The following SYN3 variants were observed in gnomAD, a reference collection of about 807,000 sequenced individuals.
The protein encoded by SYN3 is synapsin III, also known as synapsin-3.
Under a neutral mutation model 65.8 loss-of-function variants are expected in SYN3, and 35 were observed. The ratio of observed to expected loss-of-function variants is 0.53; its 90% CI spans 0.41 to 0.70. The LOEUF (loss-of-function observed/expected upper bound fraction) is 0.70. SYN3 is among the 30% of genes least tolerant of loss of function. SYN3 has a pLI of 0.00. For synonymous variants in SYN3, 270 were observed against 292.9 expected, an observed-to-expected ratio of 0.92 and a Z score of 0.80; for missense variants, 680 against 749.0, an observed-to-expected ratio of 0.91 and a Z score of 1.08.
chr22:32,830,077 A>ATGG lies in SYN3; in HGVS notation c.711+34837_711+34838insCCA, dbSNP rs1249095326. Among the ~76,000 whole-genome samples the ATGG allele has an allele frequency of 5.3e-5, 8 of 152,316 alleles. No homozygotes were observed. In the East Asian group the frequency reaches 1.5e-3, roughly 29 times the overall value. On this transcript the variant is annotated intron_variant, in intron 6 of 13. Transcript: ENST00000358763. Reference sequence around the variant, plus strand: ...GAGTAAGTGGGGCAGCCGACATTTCAGGAGGAGGAAGGTTGGCAGCCAGGC... The same window carrying ATGG: ...GAGTAAGTGGGGCAGCCGACATTTCATGGGGAGGAGGAAGGTTGGCAGCCAGGC...
chr22:32,536,327 G>A (rs2058164692), intron 9 of SYN3, among the ~76,000 whole-genome samples: 2 of 152,210 alleles, frequency 1.3e-5, no homozygotes, highest in African/African-American at 2.4e-5. Flanking sequence ...GCTGCCCCCT[G>A]GGGTTGATGG....
At chr22:32,764,150 C>G (rs747267633) in intron 6 of SYN3, among the ~76,000 whole-genome samples, 10 of 152,210 alleles carry the variant, frequency 6.6e-5, no homozygotes, top group Non-Finnish European at 1.0e-4. Context: ...TCCAGGTTGG[C>G]CAGGCTGGTC....
intron 6 of SYN3, among the ~76,000 whole-genome samples, chr22:32,665,019 G>GTTT (rs2060271292): frequency 2.0e-5 from 2 of 102,550 alleles, no homozygotes; most frequent in Admixed American, 1.1e-4. Context: ...TTTTTTTTTG[G>GTTT]GGCAGAGCCT....
intron 3 of SYN3, among the ~76,000 whole-genome samples, chr22:32,936,658 G>A (rs560260615): frequency 6.6e-6 from 1 of 152,324 alleles, no homozygotes; most frequent in East Asian, 1.9e-4. Context: ...GAACCCATGT[G>A]CTCACCAGCT....
intron 7 of SYN3, among the ~76,000 whole-genome samples, chr22:32,593,183 A>G (rs2059151623): frequency 6.6e-6 from 1 of 152,022 alleles, no homozygotes; most frequent in Admixed American, 6.5e-5. Flanking sequence ...TCCAAACATA[A>G]GGAGAAAAGT....
intron 6 of SYN3, among the ~76,000 whole-genome samples, chr22:32,627,954 G>T (rs55904255): frequency 1.3e-5 from 2 of 151,950 alleles, no homozygotes; most frequent in Non-Finnish European, 2.9e-5. Flanking sequence ...TCAGCCTCCC[G>T]AGTAGCTGGG....
At chr22:32,534,596 AG>A (rs1290746890) in intron 9 of SYN3, among the ~76,000 whole-genome samples, 25 of 152,274 alleles carry the variant, frequency 1.6e-4, no homozygotes, top group South Asian at 8.3e-4. Context: ...CCCTGCAACA[AG>A]GGGGTGGTTG....
At chr22:32,698,978 C>A (rs1366545360) in intron 6 of SYN3, among the ~76,000 whole-genome samples, 1 of 152,106 alleles carries the variant, frequency 6.6e-6, no homozygotes, top group Admixed American at 6.5e-5. Flanking sequence ...GTAGGTCATC[C>A]GTGTCCAAAG....
At chr22:32,880,523 G>A (rs536819703) in intron 4 of SYN3, among the ~76,000 whole-genome samples, 1 of 152,250 alleles carries the variant, frequency 6.6e-6, no homozygotes, top group East Asian at 1.9e-4. Flanking sequence ...ATCAGTCACT[G>A]ACCCCCTGGT....
intron 1 of SYN3, among the ~76,000 whole-genome samples, chr22:33,010,275 C>T (rs530101450): frequency 6.6e-6 from 1 of 152,016 alleles, no homozygotes; most frequent in East Asian, 1.9e-4. Context: ...CACAATCATA[C>T]CATCCTACAG....
chr22:32,966,908 C>G (rs1430341357), intron 3 of SYN3, among the ~76,000 whole-genome samples: 7 of 152,006 alleles, frequency 4.6e-5, no homozygotes, highest in African/African-American at 7.2e-5. Context: ...AGAGTGAAAC[C>G]TGTCTCAAAA....
At chr22:32,864,271 G>T (rs2048627014) in intron 6 of SYN3, among the ~76,000 whole-genome samples, 1 of 152,176 alleles carries the variant, frequency 6.6e-6, no homozygotes, top group Non-Finnish European at 1.5e-5. Flanking sequence ...CAGGCATGTT[G>T]CAGGCTCTTT....
chr22:33,019,102 A>G (rs1482770738), intron 1 of SYN3, among the ~76,000 whole-genome samples: 3 of 152,112 alleles, frequency 2.0e-5, no homozygotes, highest in African/African-American at 4.8e-5. Flanking sequence ...CCAAACTACA[A>G]CCCTAACCAG....
intron 3 of SYN3, among the ~76,000 whole-genome samples, chr22:32,959,250 T>C (rs2051567013): frequency 1.3e-5 from 2 of 152,072 alleles, no homozygotes. Context: ...TTGCTTGCTG[T>C]CATCCATGTG....
chr22:32,691,860 C>T (rs2060665239), intron 6 of SYN3, among the ~76,000 whole-genome samples: 1 of 151,998 alleles, frequency 6.6e-6, no homozygotes, highest in Admixed American at 6.6e-5. Flanking sequence ...AGGCCCTCAC[C>T]ACATTCTCTG....
At chr22:32,889,264 C>T (rs976297118) in intron 4 of SYN3, among the ~76,000 whole-genome samples, 1 of 151,922 alleles carries the variant, frequency 6.6e-6, no homozygotes, top group African/African-American at 2.4e-5. Context: ...CTCCTCTTGC[C>T]CCAACTATAA....
intron 6 of SYN3, among the ~76,000 whole-genome samples, chr22:32,632,473 C>G (rs1987706425): frequency 6.6e-6 from 1 of 152,128 alleles, no homozygotes; most frequent in African/African-American, 2.4e-5. Context: ...AAATCCTAAA[C>G]TAATGGGAAG....
chr22:32,873,241 G>A (rs906559484), intron 4 of SYN3, among the ~76,000 whole-genome samples: 3 of 152,154 alleles, frequency 2.0e-5, no homozygotes, highest in Admixed American at 6.5e-5. Context: ...GTGAGCCACC[G>A]TGCCCGGCCA....
chr22:32,786,880 A>G (rs1309987371), intron 6 of SYN3, among the ~76,000 whole-genome samples: 2 of 151,984 alleles, frequency 1.3e-5, no homozygotes, highest in Non-Finnish European at 2.9e-5. Context: ...CTTGGCTACA[A>G]TAAAGAGGGG....
Sources: allele counts gnomAD v4.1 joint callset (sites outside exome capture counted in the v4.1 genomes callset), GRCh38; gene constraint gnomAD v4.1.1; transcripts MANE v1.5; gene names NCBI Gene and HGNC (gene_info 2026-07-23, HGNC 2026-07-21).